IDS: variants seen among roughly 807,000 people sequenced by gnomAD.
IDS encodes iduronate 2-sulfatase.
A neutral mutation model predicts 33.5 loss-of-function variants in IDS; 1 was observed. That is an observed-to-expected ratio of 0.03 (90% CI 0.01 to 0.14). IDS has a LOEUF of 0.14. Ranked by LOEUF, IDS falls within the 10% of genes least tolerant of loss-of-function variation. IDS has a pLI of 1.00. For missense variants in IDS, 328 were observed against 448.0 expected (o/e 0.73, Z 2.42); for synonymous variants, 191 against 184.4 (o/e 1.04, Z -0.29).
At chrX:149,493,511 G>A (rs781887239) in intron 6 of IDS, among the ~76,000 whole-genome samples, 23 of 111,745 alleles carry the variant, frequency 2.1e-4, no homozygotes, top group Middle Eastern at 4.7e-3. Flanking sequence ...TGAAGGAGTG[G>A]AAAGCAGAAA....
At chrX:149,484,531 A>AG (rs2089319653) in intron 8 of IDS, among the ~76,000 whole-genome samples, 1 of 112,639 alleles carries the variant, frequency 8.9e-6, no homozygotes, top group Non-Finnish European at 1.9e-5. Context: ...CTTGTTGGCC[A>AG]GGATGGTCTT....
Position 149,504,301 on chromosome X carries a change from G to A in IDS, c.104-8C>T. 8.3e-7 allele frequency: 1 copy of A among 1,204,152 alleles called. No homozygotes were observed. Among genetic ancestry groups the A allele is most frequent in the Non-Finnish European group, 1.1e-6 (1 of 890,676 alleles). Reference sequence around the variant, plus strand: ...GAAGAACGTTCAGAGCATCTACACAGGAGGGAGGGGCTTTGGTGAGGTAAC... The same window carrying A: ...GAAGAACGTTCAGAGCATCTACACAAGAGGGAGGGGCTTTGGTGAGGTAAC... On this transcript the variant is annotated splice_polypyrimidine_tract_variant and splice_region_variant and intron_variant, in intron 1 of 8. Transcript: ENST00000340855.
intron 4 of IDS, among the ~76,000 whole-genome samples, chrX:149,498,951 A>C (rs1261623419): frequency 1.8e-5 from 2 of 112,608 alleles, no homozygotes; most frequent in African/African-American, 6.5e-5. Flanking sequence ...CACTTGTACA[A>C]AAATGTCGAG....
chrX:149,493,092 G>A (rs2089407063), intron 6 of IDS, among the ~76,000 whole-genome samples: 1 of 112,077 alleles, frequency 8.9e-6, no homozygotes, highest in South Asian at 3.7e-4. Context: ...GCTCTCACAG[G>A]CAGGTCAACA....
Position 149,505,031 on chromosome X carries a change from G to C in IDS, c.103+4C>G. 1 of 1,193,132 alleles carries C rather than the reference G, an allele frequency of 8.4e-7. No individual in the cohort carries two copies. The highest frequency in any genetic ancestry group is 1.1e-6 in the Non-Finnish European group (1 of 879,103). On this transcript the variant is annotated splice_donor_region_variant and intron_variant, in intron 1 of 8. Coordinates refer to ENST00000340855, the MANE Select transcript of IDS (RefSeq NM_000202.8). Reference sequence around the variant, plus strand: ...AGAGATGGCAGGGAGGGCGTGGGCGGCACCTGTGGTCGAGTTGGCCTGCGT... The same window carrying C: ...AGAGATGGCAGGGAGGGCGTGGGCGCCACCTGTGGTCGAGTTGGCCTGCGT...
Position 149,500,929 on chromosome X carries a change from T to A in IDS, c.507+20A>T. Reference sequence around the variant, plus strand: ...GGAAAAAGTGGTTCCTCTTCAGAAATGTCCCTTTCACAGCCTTACCTTAGT... The same window carrying A: ...GGAAAAAGTGGTTCCTCTTCAGAAAAGTCCCTTTCACAGCCTTACCTTAGT... On this transcript the variant is annotated intron_variant, in intron 4 of 8. Coordinates refer to ENST00000340855, the MANE Select transcript of IDS (RefSeq NM_000202.8). The A allele has an allele frequency of 1.9e-6, 2 of 1,029,194 alleles. No homozygotes were observed. The highest frequency in any genetic ancestry group is 2.7e-6 in the Non-Finnish European group (2 of 728,062). The allele number at this position is 1,029,194 out of a possible 1,213,427, so 84.8% of individuals were successfully genotyped here. A position where few individuals can be genotyped will look rare whatever the true frequency, so the allele number is the denominator to read the frequency against.
At chrX:149,504,032 C>T (rs1366865223) in intron 2 of IDS, 125 bp downstream of exon 2, 1 of 607,020 alleles carries the variant, frequency 1.6e-6, no homozygotes, top group African/African-American at 2.3e-5. Flanking sequence ...ATTTTCCAGA[C>T]TATGCTTCCC....
At chrX:149,488,622 G>C (rs1324388589) in intron 7 of IDS, among the ~76,000 whole-genome samples, 1 of 108,011 alleles carries the variant, frequency 9.3e-6, no homozygotes, top group Admixed American at 9.8e-5. Flanking sequence ...GGGCCCCCAG[G>C]CCTGGCACAG....
intron 6 of IDS, among the ~76,000 whole-genome samples, chrX:149,494,974 C>T (rs1462264140): frequency 9.0e-6 from 1 of 111,546 alleles, no homozygotes; most frequent in African/African-American, 3.3e-5. Flanking sequence ...TGGCTCCACC[C>T]AGCACTAATT....
rs782022550 is a variant in IDS, at chrX:149,482,955, A to T, written c.1444T>A (p.Leu482Ile). 1.7e-6 allele frequency: 2 copies of T among 1,211,540 alleles called. No homozygotes were observed. Among genetic ancestry groups the T allele is most frequent in the South Asian group, 3.5e-5 (2 of 56,977 alleles). The part of the protein sequence containing the change: ...IPQWNSDKPS[L>I]KDIKIMGYSI... ...TAGCCCATGATCTTTATATCTTTTA[A>T]ACTCGGCTTGTCAGAATTCCACTGA... Residue 482 changes from leucine to isoleucine, a missense_variant, in exon 9 of 9, where the codon TTA becomes ATA. By Grantham distance (5) the Leu-to-Ile change is conservative. Coordinates refer to ENST00000340855, the MANE Select transcript of IDS (RefSeq NM_000202.8).
chrX:149,494,919 A>G (rs2089423354), intron 6 of IDS, among the ~76,000 whole-genome samples: 1 of 111,873 alleles, frequency 8.9e-6, no homozygotes, highest in Non-Finnish European at 1.9e-5. Flanking sequence ...GGGAACCAAC[A>G]GATCCAACCA....
rs1002301494 is a variant in IDS, at chrX:149,477,342, T to G, written c.*5404A>C. On this transcript the variant is annotated 3_prime_UTR_variant, in exon 9 of 9. Coordinates refer to ENST00000340855, the MANE Select transcript of IDS (RefSeq NM_000202.8). Reference sequence around the variant, plus strand: ...TCCTAGCATGTGCTGAATACACTACTAGACCTTGAGCTTTTGTTCCTCATT... The same window carrying G: ...TCCTAGCATGTGCTGAATACACTACGAGACCTTGAGCTTTTGTTCCTCATT... 1 of 112,658 alleles carries G rather than the reference T, an allele frequency of 8.9e-6. No individual in the cohort carries two copies. Among genetic ancestry groups the G allele is most frequent in the African/African-American group, 3.2e-5 (1 of 30,951 alleles). 9.3% of individuals were successfully genotyped at this position (112,658 alleles called of 1,213,427 possible). A position where few individuals can be genotyped will look rare whatever the true frequency, so the allele number is the denominator to read the frequency against.
At chrX:149,499,391 T>TTA (rs2089461926) in intron 4 of IDS, 1 of 110,501 alleles carries the variant, frequency 9.0e-6, no homozygotes, top group Non-Finnish European at 1.9e-5. Context: ...AAGTACCAAT[T>TTA]TATACTGTTA....
chrX:149,487,171 AT>A (rs2089344393), intron 7 of IDS, 73 bp from the exon 8 acceptor site: 2 of 1,207,209 alleles, frequency 1.7e-6, no homozygotes, highest in African/African-American at 3.5e-5. Flanking sequence ...TTTAGATACC[AT>A]TTCATTTCCT....
rs1557337630 is a variant in IDS, at chrX:149,483,087, G to C, written c.1312C>G (p.Leu438Val). 8.3e-7 allele frequency: 1 copy of C among 1,205,420 alleles called. No individual in the cohort carries two copies. The highest frequency in any genetic ancestry group is 1.1e-6 in the Non-Finnish European group (1 of 892,056). ...TCACGGAATCGAAAATGCTTCAGAA[G>C]GTTCTTGCCTTCTCTGCACAGCTCA... ...HVELCREGKN[L>V]LKHFRFRDLE... The change falls in exon 9 of 9, where the codon CTT (leucine) becomes GTT (valine). Residue 438 changes from leucine to valine, a missense_variant. Physicochemically the swap from Leu to Val is conservative, Grantham distance 32. Around this residue, in one of 4 missense-constraint regions of IDS, gnomAD observed 265 missense variants for 339.2 expected, o/e 0.78. Transcript: ENST00000340855.
chrX:149,492,872 A>G (rs1234766002), intron 6 of IDS, among the ~76,000 whole-genome samples: 4 of 110,014 alleles, frequency 3.6e-5, no homozygotes, highest in Non-Finnish European at 7.6e-5. Flanking sequence ...TCAAGCAGAC[A>G]TGGGGGCAGG....
At chrX:149,501,961 T>C in intron 3 of IDS, 1 of 229,446 alleles carries the variant, frequency 4.4e-6, no homozygotes, top group Non-Finnish European at 8.4e-6. Context: ...GGCAAGCTAC[T>C]TGACTCCCAT....
Position 149,478,163 on chromosome X carries a change from T to C in IDS, c.*4583A>G, listed in dbSNP as rs1297292683. ...ATTGGGCAGAGAGGGAAGAGTCAGT[T>C]TCCCTCTGTAGCTAGGGTGAGGCTG... On this transcript the variant is annotated 3_prime_UTR_variant, in exon 9 of 9. Coordinates refer to ENST00000340855, the MANE Select transcript of IDS (RefSeq NM_000202.8). The C allele has an allele frequency of 4.5e-5, 5 of 112,123 alleles. No homozygotes were observed. In the Admixed American group the frequency reaches 4.7e-4, roughly 11 times the overall value. The allele number at this position is 112,123 out of a possible 1,213,427, so 9.2% of individuals were successfully genotyped here. A position where few individuals can be genotyped will look rare whatever the true frequency, so the allele number is the denominator to read the frequency against.
chrX:149,478,293 C>T lies in IDS; in HGVS notation c.*4453G>A, dbSNP rs1463011609. 2 of 112,093 alleles carry T rather than the reference C, an allele frequency of 1.8e-5. No individual in the cohort carries two copies. Among genetic ancestry groups the T allele is most frequent in the Non-Finnish European group, 3.8e-5 (2 of 53,220 alleles). The allele number at this position is 112,093 out of a possible 1,213,427, so 9.2% of individuals were successfully genotyped here. On this transcript the variant is annotated 3_prime_UTR_variant, in exon 9 of 9. Transcript: ENST00000340855. ...CCCAAAACAATTAAGAGCAGGGACTCGAACAGATATTTGTACATCCTTGTT... is the reference window on the plus strand; with the variant it reads ...CCCAAAACAATTAAGAGCAGGGACTTGAACAGATATTTGTACATCCTTGTT...
Sources: allele counts gnomAD v4.1 joint callset (sites outside exome capture counted in the v4.1 genomes callset), GRCh38; gene constraint gnomAD v4.1.1; regional missense constraint gnomAD v4.1.1; transcripts MANE v1.5; gene names NCBI Gene and HGNC (gene_info 2026-07-23, HGNC 2026-07-21).